The following SNX31 variants were observed in gnomAD, a reference collection of about 807,000 sequenced individuals.
SNX31 encodes the protein sorting nexin 31, also known as sorting nexin-31.
A neutral mutation model predicts 65.4 loss-of-function variants in SNX31; 58 were observed. That is an observed-to-expected ratio of 0.89 (90% CI 0.72 to 1.10). The LOEUF is 1.10. Among genes scored for constraint, SNX31 ranks in the 50% least tolerant of loss-of-function variants. The pLI is 0.00. For synonymous variants in SNX31, 181 were observed against 190.1 expected, an observed-to-expected ratio of 0.95 and a Z score of 0.39; for missense variants, 523 against 529.7, an observed-to-expected ratio of 0.99 and a Z score of 0.12.
chr8:100,639,061 G>A (rs1818973555), intron 2 of SNX31, among the ~76,000 whole-genome samples: 1 of 152,166 alleles, frequency 6.6e-6, no homozygotes, highest in Non-Finnish European at 1.5e-5. Flanking sequence ...GGGAGGTACA[G>A]AATAACTGAA....
At chr8:100,661,430 A>G (rs1191920955) in intron 1 of SNX31, among the ~76,000 whole-genome samples, 1 of 152,220 alleles carries the variant, frequency 6.6e-6, no homozygotes. Flanking sequence ...AAAAAAGTCC[A>G]TCAAAACCAG....
chr8:100,658,388 A>G (rs1809706975), intron 1 of SNX31, among the ~76,000 whole-genome samples: 1 of 152,252 alleles, frequency 6.6e-6, no homozygotes. Context: ...ATTCATGTGC[A>G]GAATGAAAGT....
intron 12 of SNX31, among the ~76,000 whole-genome samples, chr8:100,579,563 A>T (rs1408336931): frequency 1.3e-5 from 2 of 152,290 alleles, no homozygotes; most frequent in South Asian, 2.1e-4. Context: ...AAAGGCTAAC[A>T]TTCCTCAGAT....
At chr8:100,662,297 C>T (rs1007441053) in intron 1 of SNX31, among the ~76,000 whole-genome samples, 3 of 152,198 alleles carry the variant, frequency 2.0e-5, no homozygotes, top group African/African-American at 7.2e-5. Context: ...CCGGTATTCT[C>T]AACTGTCATG....
At chr8:100,618,641 C>A in intron 4 of SNX31, 1 of 494,454 alleles carries the variant, frequency 2.0e-6, no homozygotes. Context: ...ATGACCCCCT[C>A]TCAGGTTTGA....
chr8:100,613,192 CT>C lies in SNX31; in HGVS notation c.433-108del, dbSNP rs1816867207. 3 of 839,114 alleles carry C rather than the reference CT, an allele frequency of 3.6e-6. No homozygotes were observed. In the Admixed American group the frequency reaches 6.3e-5, roughly 18 times the overall value. 52.0% of individuals were successfully genotyped at this position (839,114 alleles called of 1,614,324 possible). Reference sequence around the variant, plus strand: ...GGCCGGTACACATCAATAAAAAATGCTGTCATGGGTTAGTGAACACTCAAAG... The same window carrying C: ...GGCCGGTACACATCAATAAAAAATGCGTCATGGGTTAGTGAACACTCAAAG... On this transcript the variant is annotated intron_variant, in intron 5 of 13. Transcript: ENST00000311812. This position sits in a 1 kb window ranked among gnomAD's most constrained non-coding sequence, Gnocchi z 5.2.
At chr8:100,621,625 CT>C (rs1817703478) in intron 4 of SNX31, among the ~76,000 whole-genome samples, 1 of 152,248 alleles carries the variant, frequency 6.6e-6, no homozygotes, top group Non-Finnish European at 1.5e-5. Context: ...CCTTACAAGT[CT>C]CCTTGCTTCC....
In SNX31 at chr8:100,612,224, G is replaced by A. The variant is rs999434147; in HGVS notation, c.524-137C>T. ...GTAAGAATATCCTCTGTATTTACAC[G>A]TAATTTTAACTTTCTGAAGTTCATT... is the stretch of plus-strand genomic sequence containing the variant. On this transcript the variant is annotated intron_variant, in intron 6 of 13. Transcript: ENST00000311812. The surrounding 1 kb of genome is among the most constrained non-coding windows in gnomAD (Gnocchi z 4.3). The A allele has an allele frequency of 4.5e-5, 26 of 578,976 alleles. No homozygotes were observed. Among genetic ancestry groups the A allele is most frequent in the Non-Finnish European group, 7.2e-5 (24 of 331,658 alleles). 35.9% of individuals were successfully genotyped at this position (578,976 alleles called of 1,614,324 possible). A position where few individuals can be genotyped will look rare whatever the true frequency, so the allele number is the denominator to read the frequency against.
intron 4 of SNX31, among the ~76,000 whole-genome samples, chr8:100,628,273 A>C (rs192774993): frequency 0.01 from 1,535 of 152,336 alleles, 12 homozygotes; most frequent in Non-Finnish European, 0.015. Flanking sequence ...TCATGCTGCT[A>C]TAAAGACACA....
At chr8:100,600,465 A>G in intron 8 of SNX31, 24 bp from the exon 9 acceptor site, 1 of 1,587,440 alleles carries the variant, frequency 6.3e-7, no homozygotes, top group Non-Finnish European at 8.6e-7. Flanking sequence ...AAGTTGTAAA[A>G]TTAGCAGTCT....
intron 4 of SNX31, among the ~76,000 whole-genome samples, chr8:100,625,000 A>G (rs546429090): frequency 2.0e-5 from 3 of 152,160 alleles, no homozygotes; most frequent in Admixed American, 1.3e-4. Flanking sequence ...TTGTAGAGAC[A>G]GAGTCTCACT....
At position 100,629,180 on chromosome 8, in the gene SNX31, T is replaced by G. The variant is rs1317357043; in HGVS notation, c.321+1147A>C. ...GTATATATATGTGTGCATGTACATA[T>G]ATATGTATATATATGCATGCTTATA... On this transcript the variant is annotated intron_variant, in intron 4 of 13. Coordinates refer to ENST00000311812, the MANE Select transcript of SNX31 (RefSeq NM_152628.4). The surrounding 1 kb of genome is among the most constrained non-coding windows in gnomAD (Gnocchi z 5.1). Among the ~76,000 whole-genome samples, 3 of 152,156 alleles carry G rather than the reference T, an allele frequency of 2.0e-5. No individual in the cohort carries two copies. Among genetic ancestry groups the G allele is most frequent in the African/African-American group, 7.2e-5 (3 of 41,438 alleles).
In SNX31 at chr8:100,576,687, T is replaced by A. The variant is rs1479816329; in HGVS notation, c.1227+332A>T. On this transcript the variant is annotated intron_variant, in intron 13 of 13. Coordinates refer to ENST00000311812, the MANE Select transcript of SNX31 (RefSeq NM_152628.4). This position sits in a 1 kb window ranked among gnomAD's most constrained non-coding sequence, Gnocchi z 4.8. ...ATACAGAGTATACTGCAGAAAACTA[T>A]GAGACCAAAATATACTAGATATGTA... Among the ~76,000 whole-genome samples, 1 of 152,134 alleles carries A rather than the reference T, an allele frequency of 6.6e-6. No homozygotes were observed. Among genetic ancestry groups the A allele is most frequent in the Non-Finnish European group, 1.5e-5 (1 of 68,030 alleles).
chr8:100,655,512 G>A (rs1020212798), intron 1 of SNX31, among the ~76,000 whole-genome samples: 4 of 151,282 alleles, frequency 2.6e-5, no homozygotes, highest in African/African-American at 9.8e-5. Flanking sequence ...TTTTATAAGA[G>A]GAAACCCCTT....
At chr8:100,601,635 A>G (rs1296644896) in intron 8 of SNX31, among the ~76,000 whole-genome samples, 2 of 152,224 alleles carry the variant, frequency 1.3e-5, no homozygotes, top group African/African-American at 4.8e-5. Context: ...CACATTAAAA[A>G]AATTAAAGTT....
Position 100,630,252 on chromosome 8 carries a change from G to A in SNX31, c.321+75C>T. ...GGCTGTGACCAGTGCACACATGTGTGTGTACCTGCACACTTGGTTCATGAA... is the reference window on the plus strand; with the variant it reads ...GGCTGTGACCAGTGCACACATGTGTATGTACCTGCACACTTGGTTCATGAA... On this transcript the variant is annotated intron_variant, in intron 4 of 13. Transcript: ENST00000311812. This position sits in a 1 kb window ranked among gnomAD's most constrained non-coding sequence, Gnocchi z 5.3. 7.2e-7 allele frequency: 1 copy of A among 1,394,082 alleles called. No homozygotes were observed. The highest frequency in any genetic ancestry group is 1.2e-5 in the South Asian group (1 of 84,838). The allele number at this position is 1,394,082 out of a possible 1,614,324, so 86.4% of individuals were successfully genotyped here. A position where few individuals can be genotyped will look rare whatever the true frequency, so the allele number is the denominator to read the frequency against.
chr8:100,645,606 A>ATTTTTTTT (rs10598981), intron 2 of SNX31, among the ~76,000 whole-genome samples: 3 of 106,726 alleles, frequency 2.8e-5, no homozygotes, highest in Non-Finnish European at 1.8e-5. Context: ...CAGACTCTTC[A>ATTTTTTTT]TTTTTTTTTT....
chr8:100,606,424 A>G (rs1055310852), intron 8 of SNX31, among the ~76,000 whole-genome samples: 2 of 152,236 alleles, frequency 1.3e-5, no homozygotes, highest in African/African-American at 4.8e-5. Context: ...AACATTAAAC[A>G]TTTAATAAGT....
chr8:100,579,573 T>C (rs1420735984), intron 12 of SNX31, among the ~76,000 whole-genome samples: 1 of 152,182 alleles, frequency 6.6e-6, no homozygotes, highest in East Asian at 1.9e-4. Context: ...ATTCCTCAGA[T>C]ATCAGAGGCC....
Sources: allele counts gnomAD v4.1 joint callset (sites outside exome capture counted in the v4.1 genomes callset), GRCh38; gene constraint gnomAD v4.1.1; non-coding constraint Gnocchi (gnomAD v3.1); transcripts MANE v1.5; gene names NCBI Gene and HGNC (gene_info 2026-07-23, HGNC 2026-07-21).